Variants in ZNF107 observed in about 807,000 individuals in gnomAD.
The protein encoded by ZNF107 is zinc finger protein 107, also known as C2H2 type zinc-finger protein.
ZNF107 carries 19 observed loss-of-function variants against 12.3 expected under a neutral mutation model. The observed-to-expected ratio is 1.55, with a 90% CI of 1.08 to 2.27. The LOEUF is 2.27. Among genes scored for constraint, ZNF107 ranks in the 30% most tolerant of loss-of-function variants. ZNF107 has a pLI of 0.00. For missense variants in ZNF107, 958 were observed against 979.9 expected (o/e 0.98, Z 0.30); for synonymous variants, 317 against 330.5 (o/e 0.96, Z 0.44).
At position 64,707,581 on chromosome 7, in the gene ZNF107, C is replaced by A. The variant is rs1185474021; in HGVS notation, c.1484C>A (p.Thr495Asn). The stretch of plus-strand genomic sequence containing the variant: ...GGAAAAGCTTTTAATCGATCCTCAA[C>A]CCTTACTAGACATAAGAAAATTCAT... ...ECGKAFNRSS[T>N]LTRHKKIHTG... Residue 495 changes from threonine (T) to asparagine (N), a missense_variant, in exon 4 of 4, where the codon ACC becomes AAC. Coordinates refer to ENST00000620827, the MANE Select transcript of ZNF107 (RefSeq NM_001282359.2). 1.2e-6 allele frequency: 2 copies of A among 1,609,930 alleles called. No individual in the cohort carries two copies. The highest frequency in any genetic ancestry group is 1.7e-6 in the Non-Finnish European group (2 of 1,178,536).
Position 64,670,823 on chromosome 7 carries a change from T to G in ZNF107, c.3+4538T>G, listed in dbSNP as rs527666909. The stretch of plus-strand genomic sequence containing the variant: ...AACTGGTCGACATAACCACAGTGTT[T>G]TGCAGAGTTCTGTGAGTAGCTTTAT... On this transcript the variant is annotated intron_variant, in intron 1 of 3. Transcript: ENST00000620827. Among the ~76,000 whole-genome samples, 19 of 152,304 alleles carry G rather than the reference T, an allele frequency of 1.2e-4. No homozygotes were observed. In the South Asian group the frequency reaches 3.9e-3, roughly 32 times the overall value.
intron 3 of ZNF107, among the ~76,000 whole-genome samples, chr7:64,705,033 T>C (rs1015142980): frequency 2.0e-5 from 3 of 152,160 alleles, no homozygotes; most frequent in African/African-American, 7.2e-5. Context: ...CAGTTGTTGG[T>C]ATTATTCTCA....
Position 64,703,721 on chromosome 7 carries a change from G to A in ZNF107, c.227-2603G>A, listed in dbSNP as rs984490447. 2.0e-5 allele frequency among the ~76,000 whole-genome samples: 3 copies of A among 152,064 alleles called. No individual in the cohort carries two copies. The South Asian group carries it at 6.2e-4, about 32-fold the overall frequency. ...TGGGATTAAAGGTCTGAGCCACCGT[G>A]CCTGGCCAAAAGTTTGTCTCTTGAT... On this transcript the variant is annotated intron_variant, in intron 3 of 3. Coordinates refer to ENST00000620827, the MANE Select transcript of ZNF107 (RefSeq NM_001282359.2).
rs192640482 is a variant in ZNF107 at position 64,706,930 on chromosome 7, T to C, written c.833T>C (p.Ile278Thr). ...TCACACCTTACTATACATAAAATAA[T>C]TCATACTGGAGAAAAACCTTACAAA... ...QASHLTIHKIIHTGEKPYKYE... is the reference protein window; with the variant it reads ...QASHLTIHKITHTGEKPYKYE... Residue 278 changes from isoleucine (I) to threonine (T), a missense_variant, in exon 4 of 4, where the codon ATT (isoleucine) becomes ACT (threonine). By Grantham distance (89) the Ile-to-Thr change is moderately conservative. Transcript: ENST00000620827. 1.8e-4 allele frequency: 285 copies of C among 1,612,534 alleles called. 2 individuals carry two copies. The East Asian group carries it at 5.7e-3, about 32-fold the overall frequency.
At chr7:64,697,691 C>G (rs966331280) in intron 3 of ZNF107, among the ~76,000 whole-genome samples, 3 of 129,014 alleles carry the variant, frequency 2.3e-5, no homozygotes, top group African/African-American at 8.9e-5. Flanking sequence ...AGAAACATAG[C>G]ATTTTTTTTT....
Position 64,706,669 on chromosome 7 carries a change from A to G in ZNF107, c.572A>G (p.His191Arg). The G allele has an allele frequency of 6.2e-7, 1 of 1,613,446 alleles. No homozygotes were observed. Among genetic ancestry groups the G allele is most frequent in the Non-Finnish European group, 8.5e-7 (1 of 1,179,664 alleles). ...SFCVLSQLTQ[H>R]RRIHTRVNSY... ...TGCGTGCTTTCACAACTAACTCAGC[A>G]TAGAAGAATTCATACTAGAGTGAAT... Residue 191 changes from histidine to arginine, a missense_variant, in exon 4 of 4, where the codon CAT becomes CGT. By Grantham distance (29) the His-to-Arg change is conservative. Coordinates refer to ENST00000620827, the MANE Select transcript of ZNF107 (RefSeq NM_001282359.2).
At chr7:64,697,467 T>C (rs1424220312) in intron 3 of ZNF107, among the ~76,000 whole-genome samples, 1 of 152,174 alleles carries the variant, frequency 6.6e-6, no homozygotes, top group Non-Finnish European at 1.5e-5. Flanking sequence ...CTCCACATCC[T>C]CTCCAGCACC....
rs1463678313 is a variant in ZNF107 at position 64,710,375 on chromosome 7, C to T, written c.*1719C>T. ...ACAGCTTAGAAAATACCAGAGGCCT[C>T]ATACTAAAATATATTTTTGCAAGTG... is the stretch of plus-strand genomic sequence containing the variant. On this transcript the variant is annotated 3_prime_UTR_variant, in exon 4 of 4. Transcript: ENST00000620827. 6.6e-6 allele frequency: 1 copy of T among 152,024 alleles called. No homozygotes were observed. Among genetic ancestry groups the T allele is most frequent in the Non-Finnish European group, 1.5e-5 (1 of 68,004 alleles). The allele number at this position is 152,024 out of a possible 1,614,324, so 9.4% of individuals were successfully genotyped here.
chr7:64,694,188 G>C (rs1790211493), intron 3 of ZNF107, among the ~76,000 whole-genome samples: 1 of 152,252 alleles, frequency 6.6e-6, no homozygotes, highest in African/African-American at 2.4e-5. Context: ...TAGAGGCCAA[G>C]GTCTGCAGGC....
In ZNF107 at chr7:64,710,661, G is replaced by C. The variant is rs74298836; in HGVS notation, c.*2005G>C. 8.3e-6 allele frequency: 1 copy of C among 120,846 alleles called. No individual in the cohort carries two copies. The highest frequency in any genetic ancestry group is 8.5e-5 in the Admixed American group (1 of 11,822). 7.5% of individuals were successfully genotyped at this position (120,846 alleles called of 1,614,324 possible). A position where few individuals can be genotyped will look rare whatever the true frequency, so the allele number is the denominator to read the frequency against. On this transcript the variant is annotated 3_prime_UTR_variant, in exon 4 of 4. Transcript: ENST00000620827. ...AAAAATTAGTTTTTGAAAAGCAAAT[G>C]ATGTAATTCAACTCAAATTCATGCT...
At chr7:64,686,759 A>G in intron 1 of ZNF107, 1 of 845,058 alleles carries the variant, frequency 1.2e-6, no homozygotes, top group Non-Finnish European at 1.4e-6. Flanking sequence ...AAGTCCCAAA[A>G]CCATGTTGTA....
At chr7:64,670,921 C>T (rs1021177051) in intron 1 of ZNF107, among the ~76,000 whole-genome samples, 4 of 152,100 alleles carry the variant, frequency 2.6e-5, no homozygotes, top group Non-Finnish European at 4.4e-5. Context: ...CTGATAGGCC[C>T]GTATGGTTTT....
intron 1 of ZNF107, chr7:64,686,366 CT>C (rs762662673): frequency 2.7e-5 from 8 of 292,578 alleles, no homozygotes; most frequent in Non-Finnish European, 4.1e-5. Context: ...CTCTCAGTTC[CT>C]ACAAAATCTC....
intron 3 of ZNF107, among the ~76,000 whole-genome samples, chr7:64,694,803 C>G (rs954342359): frequency 6.6e-6 from 1 of 152,028 alleles, no homozygotes; most frequent in Non-Finnish European, 1.5e-5. Flanking sequence ...TTATTTTCTA[C>G]TTCAAATTTG....
chr7:64,693,798 T>G (rs999764821), intron 3 of ZNF107, among the ~76,000 whole-genome samples: 1 of 151,404 alleles, frequency 6.6e-6, no homozygotes, highest in Admixed American at 6.6e-5. Flanking sequence ...TTTTTGTTTG[T>G]TTTTTTTGAG....
chr7:64,686,135 T>C (rs1789899812), intron 1 of ZNF107, among the ~76,000 whole-genome samples: 1 of 152,150 alleles, frequency 6.6e-6, no homozygotes, highest in South Asian at 2.1e-4. Context: ...AAAGGTGGGC[T>C]ATGCACCTTT....
chr7:64,684,748 C>G, intron 1 of ZNF107: 1 of 982,154 alleles, frequency 1.0e-6, no homozygotes, highest in Non-Finnish European at 1.2e-6. Flanking sequence ...TTAGGGCACT[C>G]TGTATAACTT....
intron 1 of ZNF107, chr7:64,686,457 C>G (rs1017108036): frequency 2.1e-6 from 2 of 958,178 alleles, no homozygotes; most frequent in African/African-American, 1.8e-5. Flanking sequence ...CCCAAGATCT[C>G]TCTCCCAATT....
At chr7:64,683,934 CT>C (rs1321365938) in intron 1 of ZNF107, among the ~76,000 whole-genome samples, 2 of 152,302 alleles carry the variant, frequency 1.3e-5, no homozygotes, top group Admixed American at 1.3e-4. Flanking sequence ...GTTTTTACCT[CT>C]CTTCTAACAG....
Sources: allele counts gnomAD v4.1 joint callset (sites outside exome capture counted in the v4.1 genomes callset), GRCh38; gene constraint gnomAD v4.1.1; transcripts MANE v1.5; gene names NCBI Gene and HGNC (gene_info 2026-07-23, HGNC 2026-07-21).